The following HEPH variants were observed in gnomAD, a reference collection of about 807,000 sequenced individuals.
The protein encoded by HEPH is hephaestin.
A neutral mutation model predicts 80.8 loss-of-function variants in HEPH; 69 were observed. That is an observed-to-expected ratio of 0.85 (90% CI 0.70 to 1.04). The LOEUF is 1.04. Ranked by LOEUF, HEPH falls within the 50% of genes least tolerant of loss-of-function variation. HEPH has a pLI of 0.00. For missense variants in HEPH, 1,115 were observed against 891.3 expected (o/e 1.25, Z -3.20); for synonymous variants, 431 against 322.8 (o/e 1.34, Z -3.60).
At position 66,173,803 on chromosome X, in the gene HEPH, T is replaced by G. The variant is rs769865017; in HGVS notation, c.625+2T>G. 8.6e-7 allele frequency: 1 copy of G among 1,165,929 alleles called. No individual in the cohort carries two copies. The highest frequency in any genetic ancestry group is 1.2e-6 in the Non-Finnish European group (1 of 865,941). On this transcript the variant is annotated splice_donor_variant, in intron 4 of 20. Transcript: ENST00000343002. LOFTEE classifies it high-confidence loss of function. ...GGCCTCTCATCACCTGTAAAAGAGG[T>G]ACAGGTCCCAAGGATAAGCTATGAG...
intron 6 of HEPH, among the ~76,000 whole-genome samples, chrX:66,190,922 A>G (rs1305206696): frequency 9.0e-6 from 1 of 111,647 alleles, no homozygotes; most frequent in African/African-American, 3.3e-5. Flanking sequence ...GACCTTAGAG[A>G]CAGACATGCT....
At chrX:66,243,617 C>T (rs1216748139) in intron 15 of HEPH, among the ~76,000 whole-genome samples, 1 of 113,122 alleles carries the variant, frequency 8.8e-6, no homozygotes, top group Non-Finnish European at 1.9e-5. Context: ...GCTTGTTTAT[C>T]CAACTTGGCA....
At chrX:66,190,221 A>C (rs2087718238) in intron 6 of HEPH, among the ~76,000 whole-genome samples, 1 of 110,163 alleles carries the variant, frequency 9.1e-6, no homozygotes, top group Admixed American at 9.8e-5. Context: ...TCAGCTTTTT[A>C]TTATTTGCTT....
intron 2 of HEPH, chrX:66,171,056 A>C: frequency 3.3e-6 from 1 of 298,983 alleles, no homozygotes; most frequent in Non-Finnish European, 6.2e-6. Flanking sequence ...AAATATATAC[A>C]GTGTTTGTAA....
chrX:66,263,778 GTGAC>G (rs1416780438), intron 20 of HEPH, 90 bp downstream of exon 20: 2 of 846,677 alleles, frequency 2.4e-6, no homozygotes, highest in African/African-American at 4.1e-5. Context: ...TGGGACTTAT[GTGAC>G]TGAGAGTTAG....
At chrX:66,187,826 C>G (rs1345308721) in intron 4 of HEPH, among the ~76,000 whole-genome samples, 1 of 111,817 alleles carries the variant, frequency 8.9e-6, no homozygotes, top group Non-Finnish European at 1.9e-5. Flanking sequence ...CCATGATGAT[C>G]CTACGAACCT....
In HEPH at chrX:66,203,498, A is replaced by G. The variant is rs959450047; in HGVS notation, c.2212A>G (p.Met738Val). 4 of 1,209,662 alleles carry G rather than the reference A, an allele frequency of 3.3e-6. No individual in the cohort carries two copies. The Admixed American group carries it at 8.7e-5, about 26-fold the overall frequency. The change falls in exon 13 of 21, where the codon ATG (methionine) becomes GTG (valine). Residue 738 changes from methionine (M) to valine (V), a missense_variant. By Grantham distance (21) the Met-to-Val change is conservative (BLOSUM62 1). Coordinates refer to ENST00000343002, the MANE Select transcript of HEPH (RefSeq NM_001367233.3). The stretch of plus-strand genomic sequence containing the variant: ...CCAAGCTGCAAGAATCTACTATATC[A>G]TGGCAGAAGAAGTAGAGTGGGACTA... The part of the protein sequence containing the change: ...RYQAARIYYI[M>V]AEEVEWDYCP...
At position 66,234,440 on chromosome X, in the gene HEPH, G is replaced by T. The variant is rs1194722575; in HGVS notation, c.2564-20595G>T. 3.6e-5 allele frequency among the ~76,000 whole-genome samples: 4 copies of T among 111,488 alleles called. No homozygotes were observed. The East Asian group carries it at 1.1e-3, about 31-fold the overall frequency. On this transcript the variant is annotated intron_variant, in intron 15 of 20. Transcript: ENST00000343002. ...TATTTGAGTATATACCCAGTAATGG[G>T]ATTGCTGAGTTGAATGGTAGTTCTG...
chrX:66,187,585 T>C (rs971870024), intron 4 of HEPH, among the ~76,000 whole-genome samples: 1 of 111,481 alleles, frequency 9.0e-6, no homozygotes, highest in African/African-American at 3.3e-5. Context: ...CTGCACAGAG[T>C]CCTGTGATGC....
rs950057124 is a variant in HEPH at position 66,266,519 on chromosome X, G to A, written c.3324G>A (p.Leu1108=). Residue 1108 remains leucine, a synonymous_variant, in exon 21 of 21, where the codon CTG becomes CTA. Coordinates refer to ENST00000343002, the MANE Select transcript of HEPH (RefSeq NM_001367233.3). ...TCCCCATAAAGAATGTTGAGATGCT[G>A]GCCTCTGTTTTGGTTGCCATTAGTG... ...MQIPIKNVEM[L]ASVLVAISVT... is the part of the protein sequence containing the mutation. The A allele has an allele frequency of 2.5e-5, 30 of 1,209,704 alleles. No individual in the cohort carries two copies. Among genetic ancestry groups the A allele is most frequent in the Non-Finnish European group, 3.4e-5 (30 of 894,525 alleles).
chrX:66,189,572 G>A (rs1281026035), intron 5 of HEPH, 112 bp from the exon 6 acceptor site: 4 of 810,158 alleles, frequency 4.9e-6, no homozygotes, highest in South Asian at 2.5e-5. Flanking sequence ...TCAACACAGT[G>A]TGCTGTTTAT....
intron 15 of HEPH, among the ~76,000 whole-genome samples, chrX:66,250,220 A>T (rs1176444012): frequency 9.0e-6 from 1 of 111,575 alleles, no homozygotes; most frequent in Non-Finnish European, 1.9e-5. Context: ...TCCAACACTC[A>T]ACATGTAGTA....
At chrX:66,252,729 A>T (rs778372695) in intron 15 of HEPH, among the ~76,000 whole-genome samples, 158 of 112,325 alleles carry the variant, frequency 1.4e-3, no homozygotes, top group African/African-American at 4.8e-3. Flanking sequence ...AGAATTCAAG[A>T]TTGTGTGGCA....
chrX:66,201,747 G>T (rs1043072868), intron 12 of HEPH, among the ~76,000 whole-genome samples: 1 of 112,178 alleles, frequency 8.9e-6, no homozygotes, highest in Admixed American at 9.4e-5. Flanking sequence ...ACAAACACTT[G>T]ACATAAAGCT....
At chrX:66,206,353 T>TTTTTTTTTTTTTTTTTTTA (rs2088777293) in intron 13 of HEPH, among the ~76,000 whole-genome samples, 1 of 46,211 alleles carries the variant, frequency 2.2e-5, no homozygotes, top group Non-Finnish European at 3.5e-5. Context: ...TTTTTTTTTT[T>TTTTTTTTTTTTTTTTTTTA]TTTTTTTTTT....
chrX:66,253,422 T>A (rs12012117), intron 15 of HEPH, among the ~76,000 whole-genome samples: 10,147 of 111,908 alleles, frequency 0.091, 1,063 homozygotes, highest in African/African-American at 0.31. Flanking sequence ...ACTTTTCACA[T>A]GCTAGGATAA....
At chrX:66,268,004 G>A (rs189860387), downstream of HEPH, 2 of 111,624 alleles carry the variant, frequency 1.8e-5, no homozygotes, top group African/African-American at 6.5e-5. Flanking sequence ...TTTAATTCTT[G>A]ATTGCGTTTG....
intron 15 of HEPH, among the ~76,000 whole-genome samples, chrX:66,231,743 T>A (rs1456012625): frequency 9.3e-6 from 1 of 107,935 alleles, no homozygotes; most frequent in Non-Finnish European, 1.9e-5. Context: ...TTTGACTTCC[T>A]CTTTTCCTAA....
chrX:66,170,261 C>G (rs1028577868), intron 1 of HEPH: 2 of 194,920 alleles, frequency 1.0e-5, no homozygotes, highest in Non-Finnish European at 1.9e-5. Flanking sequence ...ATTCTTGGGA[C>G]AGAGCACATT....
Sources: gnomAD v4.1 joint callset for allele counts (sites outside exome capture counted in the v4.1 genomes callset) on GRCh38, gnomAD v4.1.1 for gene constraint, MANE v1.5 for transcripts, NCBI Gene and HGNC (gene_info 2026-07-23, HGNC 2026-07-21) for gene names.